PIK3C3: variants seen among roughly 807,000 people sequenced by gnomAD.
PIK3C3 encodes the protein phosphatidylinositol 3-kinase catalytic subunit type 3.
A neutral mutation model predicts 126.1 loss-of-function variants in PIK3C3; 95 were observed. The observed-to-expected ratio is 0.75, with a 90% CI of 0.64 to 0.89. The LOEUF is 0.89. Among genes scored for constraint, PIK3C3 ranks in the 40% least tolerant of loss-of-function variants. The probability of loss-of-function intolerance (pLI) is 0.00; values close to 1 mark genes in which losing one functional copy is unlikely to be tolerated. For missense variants in PIK3C3, 829 were observed against 1,063.2 expected (o/e 0.78, Z 3.06); for synonymous variants, 374 against 360.0 (o/e 1.04, Z -0.44).
Position 41,957,708 on chromosome 18 carries a change from T to C in PIK3C3, c.207T>C (p.Pro69=), listed in dbSNP as rs1979857945. ...VTCQVFAEGK[P]LALPVRTSYK... Reference sequence around the variant, plus strand: ...GTCAAGTTTTTGCAGAAGGGAAGCCTTTGGCCTTGCCAGTGAGAACATCCT... The same window carrying C: ...GTCAAGTTTTTGCAGAAGGGAAGCCCTTGGCCTTGCCAGTGAGAACATCCT... The change falls in exon 2 of 25, where the codon CCT becomes CCC. Residue 69 remains proline, a synonymous_variant. Coordinates refer to ENST00000262039, the MANE Select transcript of PIK3C3 (RefSeq NM_002647.4). 6.2e-7 allele frequency: 1 copy of C among 1,613,668 alleles called. No homozygotes were observed. Among genetic ancestry groups the C allele is most frequent in the Non-Finnish European group, 8.5e-7 (1 of 1,179,836 alleles).
chr18:42,015,426 T>C, intron 11 of PIK3C3, 50 bp from the exon 12 acceptor site: 1 of 1,421,506 alleles, frequency 7.0e-7, no homozygotes. Context: ...TGCGTTCTCT[T>C]ATGGACAGAG....
chr18:42,043,512 A>G (rs945801573), intron 19 of PIK3C3, among the ~76,000 whole-genome samples: 6 of 152,070 alleles, frequency 3.9e-5, no homozygotes, highest in Non-Finnish European at 8.8e-5. Context: ...GCAATTGGAA[A>G]TCTGGGGTGG....
chr18:42,078,604 G>A (rs1986123723), intron 24 of PIK3C3, among the ~76,000 whole-genome samples: 1 of 150,926 alleles, frequency 6.6e-6, no homozygotes, highest in African/African-American at 2.5e-5. Context: ...TTGAAGCTTT[G>A]AATCCAGACA....
chr18:42,009,097 T>C (rs1184002505), intron 10 of PIK3C3, among the ~76,000 whole-genome samples: 1 of 152,162 alleles, frequency 6.6e-6, no homozygotes, highest in Non-Finnish European at 1.5e-5. Flanking sequence ...TTTTCTGTTA[T>C]ATAATACTTT....
At chr18:42,048,888 CA>C in intron 20 of PIK3C3, among the ~76,000 whole-genome samples, 1 of 152,074 alleles carries the variant, frequency 6.6e-6, no homozygotes, top group Non-Finnish European at 1.5e-5. Flanking sequence ...AAACAAACTC[CA>C]AAAGGGTGCT....
intron 4 of PIK3C3, among the ~76,000 whole-genome samples, chr18:41,974,025 T>G (rs979350890): frequency 6.6e-6 from 1 of 152,184 alleles, no homozygotes; most frequent in Non-Finnish European, 1.5e-5. Flanking sequence ...TTACTATGCA[T>G]GGTACCCATG....
rs374704447 is a variant in PIK3C3, at chr18:41,968,532, C to A, written c.402-1795C>A. Among the ~76,000 whole-genome samples, 14 of 152,200 alleles carry A rather than the reference C, an allele frequency of 9.2e-5. No homozygotes were observed. The East Asian group carries it at 1.5e-3, about 17-fold the overall frequency. On this transcript the variant is annotated intron_variant, in intron 3 of 24. Coordinates refer to ENST00000262039, the MANE Select transcript of PIK3C3 (RefSeq NM_002647.4). ...TATGGGTCCATAAGGTAAGCTTTTG[C>A]AAATACAGTTACTAGAATTATCTGT...
chr18:42,020,214 C>T (rs913095656), intron 12 of PIK3C3, among the ~76,000 whole-genome samples: 1 of 152,126 alleles, frequency 6.6e-6, no homozygotes. Flanking sequence ...CTTTGCCTAT[C>T]TTTTCAGTCT....
At chr18:41,974,799 A>G (rs1980834281) in intron 4 of PIK3C3, among the ~76,000 whole-genome samples, 1 of 152,212 alleles carries the variant, frequency 6.6e-6, no homozygotes, top group Non-Finnish European at 1.5e-5. Flanking sequence ...TTTTATGACT[A>G]GAATGCATAT....
chr18:42,039,643 C>G (rs537470065), intron 18 of PIK3C3, among the ~76,000 whole-genome samples: 1 of 152,316 alleles, frequency 6.6e-6, no homozygotes, highest in East Asian at 1.9e-4. Flanking sequence ...CTCAAACATT[C>G]TTTGCTCCAT....
intron 15 of PIK3C3, among the ~76,000 whole-genome samples, chr18:42,033,607 T>C (rs1041733888): frequency 6.6e-6 from 1 of 152,214 alleles, no homozygotes; most frequent in African/African-American, 2.4e-5. Context: ...AAGTCCAACT[T>C]TCACAGTCAA....
intron 4 of PIK3C3, among the ~76,000 whole-genome samples, chr18:41,979,385 G>A (rs1981085618): frequency 6.6e-6 from 1 of 152,160 alleles, no homozygotes; most frequent in African/African-American, 2.4e-5. Context: ...CTAGAGATGT[G>A]AATATACTTG....
At chr18:42,068,832 C>G (rs1489073032) in intron 24 of PIK3C3, among the ~76,000 whole-genome samples, 9 of 151,866 alleles carry the variant, frequency 5.9e-5, no homozygotes, top group African/African-American at 1.9e-4. Flanking sequence ...CGCCTGTAGT[C>G]CCAGCTACTC....
intron 5 of PIK3C3, among the ~76,000 whole-genome samples, chr18:41,989,977 A>G (rs552753779): frequency 2.0e-5 from 3 of 152,316 alleles, no homozygotes; most frequent in East Asian, 3.9e-4. Flanking sequence ...TGTAAAGGCT[A>G]TACTTGGTAA....
chr18:42,020,748 A>G, intron 13 of PIK3C3, 43 bp downstream of exon 13: 2 of 1,113,376 alleles, frequency 1.8e-6, no homozygotes, highest in Non-Finnish European at 2.7e-6. Context: ...ATTACCCTTA[A>G]GAATTATTTT....
chr18:42,013,699 C>G, intron 11 of PIK3C3, 103 bp downstream of exon 11: 1 of 857,168 alleles, frequency 1.2e-6, no homozygotes, highest in Non-Finnish European at 1.9e-6. Flanking sequence ...GCTAGTGTTA[C>G]TAATTTTGAA....
chr18:42,059,573 A>G (rs963503673), intron 22 of PIK3C3, among the ~76,000 whole-genome samples: 3 of 152,206 alleles, frequency 2.0e-5, no homozygotes, highest in Admixed American at 6.5e-5. Context: ...TGTCATTGGT[A>G]GTGGATTAGT....
At chr18:42,047,750 G>T (rs1490645679) in intron 20 of PIK3C3, among the ~76,000 whole-genome samples, 2 of 152,156 alleles carry the variant, frequency 1.3e-5, no homozygotes, top group East Asian at 3.8e-4. Flanking sequence ...TGTGGCTGCT[G>T]CCCCTAAAAA....
chr18:41,973,306 G>A (rs1465056675), intron 4 of PIK3C3, among the ~76,000 whole-genome samples: 2 of 151,944 alleles, frequency 1.3e-5, no homozygotes, highest in Non-Finnish European at 2.9e-5. Flanking sequence ...TGTTTGATTA[G>A]TGCTTGCTTC....
Sources: gnomAD v4.1 joint callset for allele counts (sites outside exome capture counted in the v4.1 genomes callset) on GRCh38, gnomAD v4.1.1 for gene constraint, MANE v1.5 for transcripts, NCBI Gene and HGNC (gene_info 2026-07-23, HGNC 2026-07-21) for gene names.